PSMD14: variants seen among roughly 807,000 people sequenced by gnomAD.
PSMD14 encodes the protein ubiquitin C-terminal hydrolase PSMD14.
A neutral mutation model predicts 41.2 loss-of-function variants in PSMD14; 7 were observed. The observed-to-expected ratio is 0.17, with a 90% CI of 0.10 to 0.32. The LOEUF (loss-of-function observed/expected upper bound fraction) is 0.32. Among genes scored for constraint, PSMD14 ranks in the 10% least tolerant of loss-of-function variants. The pLI, the probability that PSMD14 is intolerant of heterozygous loss-of-function variation, is 1.00. For synonymous variants in PSMD14, 114 were observed against 122.3 expected (o/e 0.93, Z 0.45); for missense variants, 139 against 375.6 (o/e 0.37, Z 5.21).
intron 7 of PSMD14, among the ~76,000 whole-genome samples, chr2:161,374,119 A>C (rs1007408008): frequency 1.3e-5 from 2 of 152,024 alleles, no homozygotes; most frequent in East Asian, 3.9e-4. Flanking sequence ...TTAATTCCTT[A>C]GTATTAAACC....
At chr2:161,399,645 AAATGGTG>A (rs1309032503) in intron 10 of PSMD14, among the ~76,000 whole-genome samples, 1 of 152,146 alleles carries the variant, frequency 6.6e-6, no homozygotes, top group Non-Finnish European at 1.5e-5. Flanking sequence ...CACTGAAGAC[AAATGGTG>A]TATAAACATG....
chr2:161,391,798 T>C (rs1683715543), intron 9 of PSMD14, among the ~76,000 whole-genome samples: 1 of 152,076 alleles, frequency 6.6e-6, no homozygotes, highest in Non-Finnish European at 1.5e-5. Context: ...GGAGTCTTGC[T>C]TTGTTGCTCA....
Position 161,371,335 on chromosome 2 carries a change from C to G in PSMD14, c.462+13C>G, listed in dbSNP as rs779570511. ...TGTAAAAGGAAAGGTAGAGTAGATT[C>G]TATCTTTATTGCCATCTACTGCCAC... On this transcript the variant is annotated intron_variant, in intron 7 of 11. Transcript: ENST00000409682. The G allele has an allele frequency of 1.1e-5, 18 of 1,599,776 alleles. No homozygotes were observed. In the South Asian group the frequency reaches 1.8e-4, roughly 16 times the overall value.
At chr2:161,410,454 T>C (rs1684009147) in intron 11 of PSMD14, among the ~76,000 whole-genome samples, 1 of 152,082 alleles carries the variant, frequency 6.6e-6, no homozygotes. Flanking sequence ...TTATAATTTT[T>C]CTATTGTGTA....
chr2:161,368,446 TGCACC>T (rs1163508726), intron 5 of PSMD14, among the ~76,000 whole-genome samples: 3 of 152,152 alleles, frequency 2.0e-5, no homozygotes, highest in Non-Finnish European at 4.4e-5. Context: ...TTTGTTTATA[TGCACC>T]GTACTCCATA....
intron 1 of PSMD14, among the ~76,000 whole-genome samples, chr2:161,316,090 C>T (rs560470638): frequency 1.4e-4 from 21 of 152,200 alleles, no homozygotes; most frequent in African/African-American, 3.9e-4. Context: ...GTGATCCGCC[C>T]GCGTTGGCCT....
At chr2:161,370,302 T>A (rs1683414779) in intron 6 of PSMD14, 125 bp downstream of exon 6, 1 of 706,912 alleles carries the variant, frequency 1.4e-6, no homozygotes, top group Non-Finnish European at 2.3e-6. Context: ...CATAAAAGTA[T>A]CTGTAAATAT....
At chr2:161,359,108 ACAGG>A (rs1341571441) in intron 3 of PSMD14, among the ~76,000 whole-genome samples, 4 of 152,166 alleles carry the variant, frequency 2.6e-5, no homozygotes, top group African/African-American at 9.6e-5. Context: ...AGCTGGGAAT[ACAGG>A]CACACACCAC....
At chr2:161,336,030 T>A (rs1212682305) in intron 3 of PSMD14, among the ~76,000 whole-genome samples, 2 of 152,226 alleles carry the variant, frequency 1.3e-5, no homozygotes. Flanking sequence ...AATAAAGAGA[T>A]CATTATAAGC....
chr2:161,367,581 G>T, intron 4 of PSMD14, 32 bp downstream of exon 4: 1 of 1,538,536 alleles, frequency 6.5e-7, no homozygotes. Context: ...TTGCTTTAGA[G>T]AACTCTGTTG....
intron 1 of PSMD14, among the ~76,000 whole-genome samples, chr2:161,311,862 G>T (rs1219269368): frequency 6.6e-6 from 1 of 151,520 alleles, no homozygotes; most frequent in Non-Finnish European, 1.5e-5. Context: ...TGATCCAACC[G>T]CCTCGGCCTC....
chr2:161,333,843 C>G (rs1360434909), intron 3 of PSMD14, among the ~76,000 whole-genome samples: 1 of 151,762 alleles, frequency 6.6e-6, no homozygotes, highest in African/African-American at 2.4e-5. Flanking sequence ...CCAGCCTGGT[C>G]AGCATGGTGA....
intron 3 of PSMD14, among the ~76,000 whole-genome samples, chr2:161,345,807 T>G (rs556718558): frequency 1.6e-4 from 25 of 152,338 alleles, no homozygotes; most frequent in African/African-American, 5.5e-4. Context: ...TTTCTGCTTA[T>G]AATTGTAGAT....
At chr2:161,387,772 A>AT (rs958563421) in intron 8 of PSMD14, among the ~76,000 whole-genome samples, 8 of 151,892 alleles carry the variant, frequency 5.3e-5, no homozygotes, top group Admixed American at 3.3e-4. Context: ...TATTTCTTAA[A>AT]TTTTTTTACA....
At position 161,318,956 on chromosome 2, in the gene PSMD14, C is replaced by G; in HGVS notation, c.48+83C>G. On this transcript the variant is annotated intron_variant, in intron 3 of 11. Transcript: ENST00000409682. Reference sequence around the variant, plus strand: ...TTAGCCAAAGAGAAAGAAATTATCCCCAAGAAAATCACCTAACAGATAACT... The same window carrying G: ...TTAGCCAAAGAGAAAGAAATTATCCGCAAGAAAATCACCTAACAGATAACT... 4.6e-6 allele frequency: 5 copies of G among 1,080,090 alleles called. No homozygotes were observed. The South Asian group carries it at 7.5e-5, about 16-fold the overall frequency. 66.9% of individuals were successfully genotyped at this position (1,080,090 alleles called of 1,614,324 possible).
At chr2:161,361,424 A>T (rs1037398735) in intron 3 of PSMD14, among the ~76,000 whole-genome samples, 2 of 150,802 alleles carry the variant, frequency 1.3e-5, no homozygotes, top group African/African-American at 2.4e-5. Context: ...ATGTTTTAAT[A>T]ATGAACACTT....
At chr2:161,391,716 C>T (rs1426018652) in intron 9 of PSMD14, among the ~76,000 whole-genome samples, 3 of 152,014 alleles carry the variant, frequency 2.0e-5, no homozygotes, top group Non-Finnish European at 4.4e-5. Flanking sequence ...TACAGCCTCC[C>T]GAGTAGCTGG....
At chr2:161,348,897 A>G (rs1683080828) in intron 3 of PSMD14, among the ~76,000 whole-genome samples, 1 of 152,166 alleles carries the variant, frequency 6.6e-6, no homozygotes, top group Admixed American at 6.5e-5. Flanking sequence ...TTTAAAAGAA[A>G]TAAAGTAAAT....
At chr2:161,317,757 G>A (rs1045727088) in intron 2 of PSMD14, among the ~76,000 whole-genome samples, 1 of 152,118 alleles carries the variant, frequency 6.6e-6, no homozygotes, top group Non-Finnish European at 1.5e-5. Flanking sequence ...ATTTGAACTC[G>A]TAAAACAACA....
Sources: gnomAD v4.1 joint callset for allele counts (sites outside exome capture counted in the v4.1 genomes callset) on GRCh38, gnomAD v4.1.1 for gene constraint, MANE v1.5 for transcripts, NCBI Gene and HGNC (gene_info 2026-07-23, HGNC 2026-07-21) for gene names.